Variants in MYO9A observed in about 807,000 individuals in gnomAD.
MYO9A encodes the protein myosin IXA, also known as unconventional myosin-IXa.
Under a neutral mutation model 293.3 loss-of-function variants are expected in MYO9A, and 103 were observed. The observed-to-expected ratio is 0.35, with a 90% CI of 0.30 to 0.41. The LOEUF is 0.41. Ranked by LOEUF, MYO9A falls within the 10% of genes least tolerant of loss-of-function variation. The probability of loss-of-function intolerance (pLI) is 1.00; values close to 1 mark genes in which losing one functional copy is unlikely to be tolerated. For missense variants in MYO9A, 2,685 were observed against 3,033.0 expected (o/e 0.89, Z 2.69); for synonymous variants, 1,001 against 1,035.7 (o/e 0.97, Z 0.64).
intron 1 of MYO9A, among the ~76,000 whole-genome samples, chr15:72,068,383 T>C (rs2079083347): frequency 6.6e-6 from 1 of 152,212 alleles, no homozygotes; most frequent in Admixed American, 6.5e-5. Flanking sequence ...AAATATGTGA[T>C]ATTATACCCA....
intron 1 of MYO9A, among the ~76,000 whole-genome samples, chr15:72,086,726 T>G (rs1167603512): frequency 3.3e-5 from 5 of 149,812 alleles, no homozygotes; most frequent in Non-Finnish European, 5.9e-5. Flanking sequence ...GGCAGGCTGG[T>G]GCATATCCAC....
chr15:72,034,117 TA>T (rs1373508058), intron 2 of MYO9A, among the ~76,000 whole-genome samples: 1 of 152,216 alleles, frequency 6.6e-6, no homozygotes, highest in African/African-American at 2.4e-5. Context: ...CCCCGGCAAC[TA>T]CATCTGTACT....
In MYO9A at chr15:72,100,185, C is replaced by T. The variant is rs567897089; in HGVS notation, c.-72+17495G>A. Among the ~76,000 whole-genome samples the T allele has an allele frequency of 1.3e-5, 2 of 152,176 alleles. 1 individual carries two copies. The highest frequency in any genetic ancestry group is 4.1e-4 in the South Asian group (2 of 4,822). Reference sequence around the variant, plus strand: ...ATCACCTGACGTCCGGAGTTCAAGACCAGCCTGGCCAACATGGTGAAACCT... The same window carrying T: ...ATCACCTGACGTCCGGAGTTCAAGATCAGCCTGGCCAACATGGTGAAACCT... On this transcript the variant is annotated intron_variant, in intron 1 of 41. Coordinates refer to ENST00000356056, the MANE Select transcript of MYO9A (RefSeq NM_006901.4).
intron 1 of MYO9A, among the ~76,000 whole-genome samples, chr15:72,073,353 G>A (rs1382589652): frequency 6.6e-6 from 1 of 152,144 alleles, no homozygotes; most frequent in African/African-American, 2.4e-5. Flanking sequence ...ACAATTGTCA[G>A]GGTCCATGGA....
chr15:71,935,513 A>G (rs765442336), intron 16 of MYO9A, 29 bp from the exon 17 acceptor site: 7 of 1,602,100 alleles, frequency 4.4e-6, no homozygotes, highest in Non-Finnish European at 6.0e-6. Context: ...GCTTTAGTTA[A>G]TGAAGACGTC....
At chr15:72,094,260 G>A (rs112437820) in intron 1 of MYO9A, among the ~76,000 whole-genome samples, 1 of 85,802 alleles carries the variant, frequency 1.2e-5, no homozygotes, top group African/African-American at 2.7e-5. Flanking sequence ...AAGAGGAGGA[G>A]GAGGAGGAGG....
At chr15:72,102,149 A>C (rs2080373269) in intron 1 of MYO9A, among the ~76,000 whole-genome samples, 1 of 151,332 alleles carries the variant, frequency 6.6e-6, no homozygotes, top group Non-Finnish European at 1.5e-5. Flanking sequence ...TACTAAGAAA[A>C]CTTCTGCCTT....
chr15:71,985,322 G>A (rs939277740), intron 11 of MYO9A, among the ~76,000 whole-genome samples: 3 of 152,178 alleles, frequency 2.0e-5, no homozygotes, highest in African/African-American at 7.2e-5. Context: ...GTTAGATCCT[G>A]TATATGAAAA....
At chr15:71,997,741 A>C (rs1359368894) in intron 9 of MYO9A, among the ~76,000 whole-genome samples, 1 of 152,208 alleles carries the variant, frequency 6.6e-6, no homozygotes, top group Non-Finnish European at 1.5e-5. Flanking sequence ...TGTGGTCATT[A>C]GAGAAACGCA....
chr15:71,895,972 T>C (rs1411354872), intron 25 of MYO9A, among the ~76,000 whole-genome samples: 5 of 152,150 alleles, frequency 3.3e-5, no homozygotes, highest in Non-Finnish European at 7.4e-5. Context: ...CACTTACAGA[T>C]ATGCATGGAA....
At chr15:71,960,402 T>C (rs2075709596) in intron 13 of MYO9A, 1 of 294,158 alleles carries the variant, frequency 3.4e-6, no homozygotes, top group Non-Finnish European at 6.4e-6. Context: ...ATGTGACACA[T>C]GTGCTTCCAC....
chr15:71,887,353 AT>A (rs1197253368), intron 27 of MYO9A, among the ~76,000 whole-genome samples: 3 of 152,162 alleles, frequency 2.0e-5, no homozygotes. Flanking sequence ...GCTAAAGGCA[AT>A]TAAGAAGTAG....
intron 39 of MYO9A, among the ~76,000 whole-genome samples, chr15:71,832,606 A>T (rs557904188): frequency 3.3e-5 from 5 of 152,326 alleles, no homozygotes; most frequent in Admixed American, 3.3e-4. Context: ...ACAGAAAATA[A>T]TTTTCAGGAA....
At chr15:71,928,339 A>G (rs2058383999) in intron 18 of MYO9A, among the ~76,000 whole-genome samples, 1 of 151,392 alleles carries the variant, frequency 6.6e-6, no homozygotes, top group South Asian at 2.1e-4. Flanking sequence ...GGCCTCCCAA[A>G]GTGCTGTCTA....
intron 12 of MYO9A, among the ~76,000 whole-genome samples, chr15:71,970,943 G>T (rs2075993205): frequency 6.6e-6 from 1 of 151,744 alleles, no homozygotes; most frequent in Non-Finnish European, 1.5e-5. Flanking sequence ...TGGATCACAA[G>T]GTCAGGAGGT....
intron 1 of MYO9A, among the ~76,000 whole-genome samples, chr15:72,052,224 C>T (rs2078587339): frequency 6.6e-6 from 1 of 152,180 alleles, no homozygotes; most frequent in Admixed American, 6.5e-5. Flanking sequence ...TATCCAACTA[C>T]CAGCTGCAGT....
At chr15:71,978,381 A>C (rs1348943837) in intron 11 of MYO9A, 89 bp from the exon 12 acceptor site, 2 of 1,069,214 alleles carry the variant, frequency 1.9e-6, no homozygotes, top group African/African-American at 3.3e-5. Flanking sequence ...ACCCTGCTTA[A>C]AATTCTAAGA....
chr15:71,885,608 C>A (rs889030494), intron 27 of MYO9A, among the ~76,000 whole-genome samples: 8 of 152,146 alleles, frequency 5.3e-5, no homozygotes, highest in African/African-American at 1.9e-4. Flanking sequence ...CTACTTTCAT[C>A]ATTGTAACAG....
chr15:72,013,707 G>A (rs933438201), intron 6 of MYO9A, among the ~76,000 whole-genome samples: 1 of 152,220 alleles, frequency 6.6e-6, no homozygotes, highest in African/African-American at 2.4e-5. Flanking sequence ...GGCAATTAGT[G>A]TGGGTGTGAG....
Sources: allele counts gnomAD v4.1 joint callset (sites outside exome capture counted in the v4.1 genomes callset), GRCh38; gene constraint gnomAD v4.1.1; transcripts MANE v1.5; gene names NCBI Gene and HGNC (gene_info 2026-07-23, HGNC 2026-07-21).